Variants in SLC7A7 observed in about 807,000 individuals in gnomAD.
SLC7A7 encodes the protein solute carrier family 7 member 7.
In SLC7A7, 39 loss-of-function variants were observed where a neutral mutation model predicts 47.9. That is an observed-to-expected ratio of 0.81 (90% confidence interval 0.63 to 1.06). SLC7A7 has a LOEUF of 1.06. SLC7A7 is among the 50% of genes least tolerant of loss of function. SLC7A7 has a pLI of 0.00. For missense variants in SLC7A7, 588 were observed against 632.0 expected (o/e 0.93, Z 0.75); for synonymous variants, 234 against 242.8 (o/e 0.96, Z 0.34).
At chr14:22,810,252 G>A (rs1307853587) in intron 2 of SLC7A7, among the ~76,000 whole-genome samples, 2 of 151,720 alleles carry the variant, frequency 1.3e-5, no homozygotes, top group Non-Finnish European at 2.9e-5. Context: ...ATTACCTGAG[G>A]TCCGGAGTTC....
upstream of SLC7A7, among the ~76,000 whole-genome samples, chr14:22,818,407 C>T (rs930619835): frequency 6.6e-6 from 1 of 151,920 alleles, no homozygotes; most frequent in African/African-American, 2.4e-5. Flanking sequence ...CTTTTCTCAA[C>T]CACTACCTAG....
At chr14:22,785,496 G>A (rs1050720758) in intron 2 of SLC7A7, among the ~76,000 whole-genome samples, 1 of 152,086 alleles carries the variant, frequency 6.6e-6, no homozygotes, top group African/African-American at 2.4e-5. Flanking sequence ...GGGAGGCCAA[G>A]GCGGGCAGAT....
At chr14:22,793,352 T>C (rs980265498) in intron 2 of SLC7A7, among the ~76,000 whole-genome samples, 1 of 152,180 alleles carries the variant, frequency 6.6e-6, no homozygotes, top group Non-Finnish European at 1.5e-5. Flanking sequence ...GCTTCTAACC[T>C]CCAAGCTGCC....
intron 4 of SLC7A7, among the ~76,000 whole-genome samples, chr14:22,776,676 C>G (rs1452043665): frequency 6.6e-6 from 1 of 151,544 alleles, no homozygotes; most frequent in East Asian, 1.9e-4. Flanking sequence ...CTACAAAAAA[C>G]TAGCCAAGCA....
chr14:22,803,228 T>A (rs1366952144), intron 2 of SLC7A7, among the ~76,000 whole-genome samples: 2 of 152,024 alleles, frequency 1.3e-5, no homozygotes, highest in Non-Finnish European at 2.9e-5. Context: ...GAGACCAGCC[T>A]GACTAACATG....
chr14:22,814,928 C>T (rs550235809), intron 1 of SLC7A7: 2 of 184,882 alleles, frequency 1.1e-5, no homozygotes, highest in South Asian at 1.1e-4. Context: ...TTTCCTTTCC[C>T]ATTCTCTGGT....
intron 1 of SLC7A7, among the ~76,000 whole-genome samples, chr14:22,814,224 C>T (rs28464162): frequency 0.58 from 87,143 of 151,000 alleles, 25,518 homozygotes; most frequent in East Asian, 0.8. Flanking sequence ...TGGCTCACAT[C>T]TGTAAACCCA....
At chr14:22,811,844 C>CAAAAAAAAAAAAAAAAA (rs57356836) in intron 2 of SLC7A7, among the ~76,000 whole-genome samples, 1 of 125,186 alleles carries the variant, frequency 8.0e-6, no homozygotes, top group Non-Finnish European at 1.6e-5. Context: ...GACTCTATCT[C>CAAAAAAAAAAAAAAAAA]AAAAAAAAAA....
At chr14:22,783,504 G>C (rs561742055) in intron 2 of SLC7A7, among the ~76,000 whole-genome samples, 1 of 150,742 alleles carries the variant, frequency 6.6e-6, no homozygotes, top group South Asian at 2.1e-4. Flanking sequence ...GGGTTCAAGC[G>C]GTTCTCCTGC....
At chr14:22,795,389 T>G (rs3932495) in intron 2 of SLC7A7, among the ~76,000 whole-genome samples, 96,979 of 105,592 alleles carry the variant, frequency 0.92, 44,439 homozygotes, top group East Asian at 0.99. Context: ...TTGCTTGCTT[T>G]CTTTCTTTCT....
chr14:22,803,787 G>C (rs900251983), intron 2 of SLC7A7, among the ~76,000 whole-genome samples: 1 of 151,872 alleles, frequency 6.6e-6, no homozygotes, highest in African/African-American at 2.4e-5. Flanking sequence ...ATCATCCCCT[G>C]AACAAGCCAC....
At chr14:22,792,087 G>C (rs1198813237) in intron 2 of SLC7A7, among the ~76,000 whole-genome samples, 1 of 151,918 alleles carries the variant, frequency 6.6e-6, no homozygotes, top group Non-Finnish European at 1.5e-5. Context: ...CACCCGCCTT[G>C]GCCTCCCAAA....
intron 1 of SLC7A7, among the ~76,000 whole-genome samples, chr14:22,814,235 G>C (rs954322491): frequency 1.3e-5 from 2 of 151,446 alleles, no homozygotes; most frequent in African/African-American, 4.8e-5. Flanking sequence ...TGTAAACCCA[G>C]CACTTTGGGA....
intron 2 of SLC7A7, among the ~76,000 whole-genome samples, chr14:22,797,475 T>C (rs2039038902): frequency 6.6e-6 from 1 of 152,172 alleles, no homozygotes; most frequent in South Asian, 2.1e-4. Flanking sequence ...CTGTGCAGGC[T>C]CTGAGATTAA....
intron 2 of SLC7A7, among the ~76,000 whole-genome samples, chr14:22,787,614 GGT>G (rs2038840408): frequency 6.6e-6 from 1 of 151,322 alleles, no homozygotes; most frequent in South Asian, 2.1e-4. Context: ...AAATTAGCAG[GGT>G]GTGATGGCAC....
chr14:22,802,663 A>G (rs1362415148), intron 2 of SLC7A7, among the ~76,000 whole-genome samples: 1 of 152,108 alleles, frequency 6.6e-6, no homozygotes, highest in Non-Finnish European at 1.5e-5. Context: ...CCATCACCGT[A>G]GTTCAGGTTT....
At chr14:22,800,323 C>T (rs1594971092) in intron 2 of SLC7A7, among the ~76,000 whole-genome samples, 2 of 152,204 alleles carry the variant, frequency 1.3e-5, no homozygotes, top group Non-Finnish European at 2.9e-5. Flanking sequence ...TATGCCTCAA[C>T]GTCTCCCATC....
chr14:22,812,790 T>TATATATATATATATATATATATA (rs2039333654), intron 2 of SLC7A7, 110 bp downstream of exon 2: 2 of 772,400 alleles, frequency 2.6e-6, no homozygotes, highest in South Asian at 4.0e-5. Flanking sequence ...TATATATATA[T>TATATATATATATATATATATATA]ATGTTGTCAG....
intron 2 of SLC7A7, among the ~76,000 whole-genome samples, chr14:22,802,714 AGT>A: frequency 6.6e-6 from 1 of 152,236 alleles, no homozygotes; most frequent in Admixed American, 6.5e-5. Flanking sequence ...GCTTCCTAAT[AGT>A]GTCTCTGCCT....
Sources: allele counts gnomAD v4.1 joint callset (sites outside exome capture counted in the v4.1 genomes callset), GRCh38; gene constraint gnomAD v4.1.1; transcripts MANE v1.5; gene names NCBI Gene and HGNC (gene_info 2026-07-23, HGNC 2026-07-21).